Variants in NRBP2 observed in about 807,000 individuals in gnomAD.
NRBP2 encodes the protein nuclear receptor binding protein 2, also known as nuclear receptor-binding protein 2.
A neutral mutation model predicts 74.4 loss-of-function variants in NRBP2; 47 were observed. The ratio of observed to expected loss-of-function variants is 0.63; its 90% CI spans 0.50 to 0.81. NRBP2 has a LOEUF of 0.81. Among genes scored for constraint, NRBP2 ranks in the 30% least tolerant of loss-of-function variants. The probability of loss-of-function intolerance (pLI) is 0.00; values close to 1 mark genes in which losing one functional copy is unlikely to be tolerated. For synonymous variants in NRBP2, 312 were observed against 273.8 expected (o/e 1.14, Z -1.38); for missense variants, 613 against 690.1 (o/e 0.89, Z 1.25).
At chr8:143,838,146 C>A (rs1554652460) in intron 10 of NRBP2, 4 of 431,536 alleles carry the variant, frequency 9.3e-6, no homozygotes, top group African/African-American at 2.0e-5. Flanking sequence ...CTCCAGCTCG[C>A]CACCAGCCCC....
Position 143,835,835 on chromosome 8 carries a change from A to G in NRBP2, c.1422T>C (p.Tyr474=). The change falls in exon 17 of 18, where the codon TAT becomes TAC. Residue 474 remains tyrosine, a synonymous_variant. Coordinates refer to ENST00000442628, the MANE Select transcript of NRBP2 (RefSeq NM_178564.4). The surrounding 1 kb of genome is among the most constrained non-coding windows in gnomAD (Gnocchi z 4.9). The part of the protein sequence containing the change: ...AQDLASELVH[Y]GFLHEDDRMK... ...CCCAGCGCACCTCGTGGAGGAAGCC[A>G]TAGTGCACGAGCTCCGAGGCGAGGT... is the stretch of plus-strand genomic sequence containing the variant. 1.3e-5 allele frequency: 21 copies of G among 1,602,076 alleles called. No individual in the cohort carries two copies. Among genetic ancestry groups the G allele is most frequent in the Non-Finnish European group, 1.8e-5 (21 of 1,176,302 alleles).
In NRBP2 at chr8:143,835,584, C is replaced by T; in HGVS notation, c.*78G>A. Reference sequence around the variant, plus strand: ...TCCCAGGCGCATGGAGGAGGGCAGCCCCACGGTGCTGGAGTCTCCCCAACA... The same window carrying T: ...TCCCAGGCGCATGGAGGAGGGCAGCTCCACGGTGCTGGAGTCTCCCCAACA... On this transcript the variant is annotated 3_prime_UTR_variant, in exon 18 of 18. Coordinates refer to ENST00000442628, the MANE Select transcript of NRBP2 (RefSeq NM_178564.4). The surrounding 1 kb of genome is among the most constrained non-coding windows in gnomAD (Gnocchi z 4.9). The T allele has an allele frequency of 3.2e-6, 4 of 1,232,176 alleles. No homozygotes were observed. The highest frequency in any genetic ancestry group is 1.9e-4 in the Middle Eastern group (1 of 5,168). 76.3% of individuals were successfully genotyped at this position (1,232,176 alleles called of 1,614,324 possible).
Position 143,835,683 on chromosome 8 carries a change from C to T in NRBP2, c.1485G>A (p.Lys495=), listed in dbSNP as rs1554651336. The T allele has an allele frequency of 6.3e-7, 1 of 1,597,938 alleles. No individual in the cohort carries two copies. Among genetic ancestry groups the T allele is most frequent in the African/African-American group, 1.3e-5 (1 of 74,236 alleles). The change falls in exon 18 of 18, where the codon AAG becomes AAA. Residue 495 remains lysine, a synonymous_variant. Coordinates refer to ENST00000442628, the MANE Select transcript of NRBP2 (RefSeq NM_178564.4). The surrounding 1 kb of genome is among the most constrained non-coding windows in gnomAD (Gnocchi z 4.9). ...CGGGTCAGGCCTGGGTCCCACGGTA[C>T]TTGAGGAAGGTGCTCTCCAGGAAGG... ...LAAFLESTFL[K]YRGTQA
chr8:143,838,738 C>G lies in NRBP2; in HGVS notation c.782G>C (p.Arg261Pro). ...GCGAGCAATGGCCTCCTCTGTGACC[C>G]GGGTGTCCCCATTGGTCTGGATTTC... ...VLEIQTNGDT[R>P]VTEEAIARAR... The change falls in exon 10 of 18, where the codon CGG becomes CCG. Residue 261 changes from arginine (R) to proline (P), a missense_variant. Arg to Pro is a moderately radical substitution (Grantham distance 103). Transcript: ENST00000442628. 1.9e-6 allele frequency: 3 copies of G among 1,613,304 alleles called. No individual in the cohort carries two copies. The highest frequency in any genetic ancestry group is 2.5e-6 in the Non-Finnish European group (3 of 1,179,692).
chr8:143,837,797 T>C lies in NRBP2; in HGVS notation c.841-42A>G. The C allele has an allele frequency of 6.4e-7, 1 of 1,551,902 alleles. No individual in the cohort carries two copies. Among genetic ancestry groups the C allele is most frequent in the Non-Finnish European group, 8.7e-7 (1 of 1,147,508 alleles). ...AGAGGCTGGTGGTGTGCAAGGGCTC[T>C]CTGCTCTGGCCCCGCAGTTCGAGGA... On this transcript the variant is annotated intron_variant, in intron 10 of 17. Coordinates refer to ENST00000442628, the MANE Select transcript of NRBP2 (RefSeq NM_178564.4). The surrounding 1 kb of genome is among the most constrained non-coding windows in gnomAD (Gnocchi z 4.3).
chr8:143,840,610 C>T lies in NRBP2; in HGVS notation c.129+96G>A. Reference sequence around the variant, plus strand: ...GGGGCCGCGGAGAGGTTTCCAGCCGCCGCGCTCTCCCAGCGCCCCCACGCC... The same window carrying T: ...GGGGCCGCGGAGAGGTTTCCAGCCGTCGCGCTCTCCCAGCGCCCCCACGCC... On this transcript the variant is annotated intron_variant, in intron 1 of 17. Transcript: ENST00000442628. This position sits in a 1 kb window ranked among gnomAD's most constrained non-coding sequence, Gnocchi z 5.7. 1 of 1,206,118 alleles carries T rather than the reference C, an allele frequency of 8.3e-7. No homozygotes were observed. Among genetic ancestry groups the T allele is most frequent in the East Asian group, 3.0e-5 (1 of 33,664 alleles). 74.7% of individuals were successfully genotyped at this position (1,206,118 alleles called of 1,614,324 possible).
Position 143,837,468 on chromosome 8 carries a change from T to C in NRBP2, c.1015A>G (p.Met339Val), listed in dbSNP as rs782214854. The C allele has an allele frequency of 1.9e-6, 3 of 1,611,166 alleles. No individual in the cohort carries two copies. The highest frequency in any genetic ancestry group is 2.2e-5 in the South Asian group (2 of 90,368). The change falls in exon 12 of 18, where the codon ATG becomes GTG. Residue 339 changes from methionine to valine, a missense_variant. Around this residue, in one of 2 missense-constraint regions of NRBP2, gnomAD observed 281 missense variants for 260.9 expected, o/e 1.08. Transcript: ENST00000442628. This position sits in a 1 kb window ranked among gnomAD's most constrained non-coding sequence, Gnocchi z 4.3. ...ENVVEEKTKA[M>V]DLHAVLAELP... ...TCCGCCAAGACCGCGTGCAGGTCCA[T>C]GGCCTTGGTCTTCTCCTCCACCACA... is the stretch of plus-strand genomic sequence containing the variant.
rs782310028 is a variant in NRBP2 at position 143,838,667 on chromosome 8, G to A, written c.840+13C>T. On this transcript the variant is annotated intron_variant, in intron 10 of 17. Coordinates refer to ENST00000442628, the MANE Select transcript of NRBP2 (RefSeq NM_178564.4). ...GGTGAGCCAGCTGGGGAGGGGCAGG[G>A]CAAGCTGCTTACCCGCATGTTGGGG... 2 of 1,593,118 alleles carry A rather than the reference G, an allele frequency of 1.3e-6. No individual in the cohort carries two copies. The highest frequency in any genetic ancestry group is 1.7e-5 in the Admixed American group (1 of 58,544).
rs1554653097 is a variant in NRBP2, at chr8:143,839,604, G to A, written c.445-55C>T. The A allele has an allele frequency of 2.0e-6, 3 of 1,510,022 alleles. No individual in the cohort carries two copies. Among genetic ancestry groups the A allele is most frequent in the African/African-American group, 2.8e-5 (2 of 72,206 alleles). 93.5% of individuals were successfully genotyped at this position (1,510,022 alleles called of 1,614,324 possible). On this transcript the variant is annotated intron_variant, in intron 4 of 17. Transcript: ENST00000442628. The surrounding 1 kb of genome is among the most constrained non-coding windows in gnomAD (Gnocchi z 5.1). Reference sequence around the variant, plus strand: ...GGGTGGGCGCAGGAGAGGCGGCTGGGCCTGCGGAGCCCGCCCCGCATCCTC... The same window carrying A: ...GGGTGGGCGCAGGAGAGGCGGCTGGACCTGCGGAGCCCGCCCCGCATCCTC...
Position 143,840,572 on chromosome 8 carries a change from T to G in NRBP2, c.129+134A>C, listed in dbSNP as rs568277189. 7 of 930,072 alleles carry G rather than the reference T, an allele frequency of 7.5e-6. No homozygotes were observed. Among genetic ancestry groups the G allele is most frequent in the African/African-American group, 7.0e-5 (4 of 57,486 alleles). The allele number at this position is 930,072 out of a possible 1,614,324, so 57.6% of individuals were successfully genotyped here. On this transcript the variant is annotated intron_variant, in intron 1 of 17. Transcript: ENST00000442628. The surrounding 1 kb of genome is among the most constrained non-coding windows in gnomAD (Gnocchi z 5.7). ...CCAAAGGGGTCCAGGGGTGGCTGATTCGCGGGCCGCGAGGGGCCGCGGAGA... is the reference window on the plus strand; with the variant it reads ...CCAAAGGGGTCCAGGGGTGGCTGATGCGCGGGCCGCGAGGGGCCGCGGAGA...
intron 15 of NRBP2, 34 bp downstream of exon 15, chr8:143,836,093 C>T (rs782496558): frequency 1.9e-6 from 3 of 1,594,240 alleles, no homozygotes; most frequent in Admixed American, 1.8e-5. Context: ...CCCGCCTTCC[C>T]CACGGCAGCG....
chr8:143,837,735 C>T lies in NRBP2; in HGVS notation c.861G>A (p.Leu287=). The T allele has an allele frequency of 6.4e-7, 1 of 1,561,366 alleles. No homozygotes were observed. The highest frequency in any genetic ancestry group is 8.7e-7 in the Non-Finnish European group (1 of 1,151,986). Residue 287 remains leucine (L), a synonymous_variant, in exon 11 of 18, where the codon CTG becomes CTA. Coordinates refer to ENST00000442628, the MANE Select transcript of NRBP2 (RefSeq NM_178564.4). The surrounding 1 kb of genome is among the most constrained non-coding windows in gnomAD (Gnocchi z 4.3). ...AGGGCCGGCGGGCAGGGTCCCGGGC[C>T]AGGCAGCAAAGGATGAACTCCTGGG... ...PNMREFILCC[L]ARDPARRPSA...
downstream of NRBP2, among the ~76,000 whole-genome samples, chr8:143,831,349 C>G (rs1554650229): frequency 6.6e-6 from 1 of 152,246 alleles, no homozygotes; most frequent in East Asian, 1.9e-4. Context: ...GGCACAGTGG[C>G]TCATGCCTGC....
chr8:143,840,070 T>C lies in NRBP2; in HGVS notation c.252+37A>G, dbSNP rs1554653321. 7.8e-6 allele frequency: 12 copies of C among 1,535,926 alleles called. No individual in the cohort carries two copies. Among genetic ancestry groups the C allele is most frequent in the South Asian group, 1.2e-5 (1 of 84,060 alleles). ...TGGTCGCTGGGTGGTCAGCAGGTGG[T>C]CACCCAAGCAGGATGAGGAGGGGGC... On this transcript the variant is annotated intron_variant, in intron 2 of 17. Transcript: ENST00000442628. This position sits in a 1 kb window ranked among gnomAD's most constrained non-coding sequence, Gnocchi z 5.7.
At chr8:143,831,352 A>G (rs1818160714), downstream of NRBP2, among the ~76,000 whole-genome samples, 2 of 152,242 alleles carry the variant, frequency 1.3e-5, no homozygotes, top group South Asian at 4.1e-4. Flanking sequence ...ACAGTGGCTC[A>G]TGCCTGCCTT....
rs782104248 is a variant in NRBP2, at chr8:143,840,487, C to CA, written c.129+218dup. 6.3e-4 allele frequency: 411 copies of CA among 657,422 alleles called. No homozygotes were observed. The highest frequency in any genetic ancestry group is 1.0e-3 in the Admixed American group (33 of 33,116). 40.7% of individuals were successfully genotyped at this position (657,422 alleles called of 1,614,324 possible). On this transcript the variant is annotated intron_variant, in intron 1 of 17. Transcript: ENST00000442628. This position sits in a 1 kb window ranked among gnomAD's most constrained non-coding sequence, Gnocchi z 5.7. ...GGAAGCTAGCGGCTGAGTCCAGAGGCATGGGGAGGTGGTCCTGGGAGGAGA... is the reference window on the plus strand; with the variant it reads ...GGAAGCTAGCGGCTGAGTCCAGAGGCAATGGGGAGGTGGTCCTGGGAGGAGA...
rs1554653362 is a variant in NRBP2, at chr8:143,840,143, G to C, written c.216C>G (p.Leu72=). 1.3e-6 allele frequency: 2 copies of C among 1,536,004 alleles called. No homozygotes were observed. Among genetic ancestry groups the C allele is most frequent in the South Asian group, 1.2e-5 (1 of 84,062 alleles). ...CGAAGGCCTTCCTGTCTCCGAAGTG[G>C]AGCTCGTTCCACACCACCTCTACCC... The part of the protein sequence containing the change: ...EEGVEVVWNE[L]HFGDRKAFAA... The change falls in exon 2 of 18, where the codon CTC becomes CTG. Residue 72 remains leucine, a synonymous_variant. Coordinates refer to ENST00000442628, the MANE Select transcript of NRBP2 (RefSeq NM_178564.4). This position sits in a 1 kb window ranked among gnomAD's most constrained non-coding sequence, Gnocchi z 5.7.
In NRBP2 at chr8:143,838,571, C is replaced by A. The variant is rs1287609889; in HGVS notation, c.840+109G>T. 1.3e-5 allele frequency: 10 copies of A among 787,614 alleles called. No homozygotes were observed. The Admixed American group carries it at 2.2e-4, about 17-fold the overall frequency. 48.8% of individuals were successfully genotyped at this position (787,614 alleles called of 1,614,324 possible). A position where few individuals can be genotyped will look rare whatever the true frequency, so the allele number is the denominator to read the frequency against. On this transcript the variant is annotated intron_variant, in intron 10 of 17. Transcript: ENST00000442628. ...GGGAGGGGTGCAGTCAGCTGGTATA[C>A]CCCTCAACTGCACAAACTGTGATGT... is the stretch of plus-strand genomic sequence containing the variant.
chr8:143,835,538 T>C lies in NRBP2; in HGVS notation c.*124A>G. 1.2e-6 allele frequency: 1 copy of C among 835,452 alleles called. No homozygotes were observed. Among genetic ancestry groups the C allele is most frequent in the Non-Finnish European group, 1.9e-6 (1 of 531,910 alleles). 51.8% of individuals were successfully genotyped at this position (835,452 alleles called of 1,614,324 possible). On this transcript the variant is annotated 3_prime_UTR_variant, in exon 18 of 18. Coordinates refer to ENST00000442628, the MANE Select transcript of NRBP2 (RefSeq NM_178564.4). This position sits in a 1 kb window ranked among gnomAD's most constrained non-coding sequence, Gnocchi z 4.9. ...CACTCTCAGGAGACGGGGGGTTCCT[T>C]CACTACCGGGGCCTTTGTGCTCCCA...
Sources: allele counts gnomAD v4.1 joint callset (sites outside exome capture counted in the v4.1 genomes callset), GRCh38; gene constraint gnomAD v4.1.1; regional missense constraint gnomAD v4.1.1; non-coding constraint Gnocchi (gnomAD v3.1); transcripts MANE v1.5; gene names NCBI Gene and HGNC (gene_info 2026-07-23, HGNC 2026-07-21).